GPATCH2: variants seen among roughly 807,000 people sequenced by gnomAD.
The protein encoded by GPATCH2 is G patch domain-containing protein 2.
Under a neutral mutation model 58.0 loss-of-function variants are expected in GPATCH2, and 51 were observed. That is an observed-to-expected ratio of 0.88 (90% CI 0.70 to 1.11). The LOEUF (loss-of-function observed/expected upper bound fraction) is 1.11. Ranked by LOEUF, GPATCH2 falls within the 50% of genes most tolerant of loss-of-function variation. The probability of loss-of-function intolerance (pLI) is 0.00; values close to 1 mark genes in which losing one functional copy is unlikely to be tolerated. For missense variants in GPATCH2, 625 were observed against 652.2 expected (o/e 0.96, Z 0.45); for synonymous variants, 222 against 218.5 (o/e 1.02, Z -0.14).
chr1:217,498,353 T>C lies in GPATCH2; in HGVS notation c.1206+3A>G. ...CTTCCTTTTGGATTACAATGGTCCT[T>C]ACCTGGTCATGCTCTGTCCTAGCCC... On this transcript the variant is annotated splice_donor_region_variant and intron_variant, in intron 7 of 9. Transcript: ENST00000366935. The C allele has an allele frequency of 6.2e-7, 1 of 1,610,368 alleles. No individual in the cohort carries two copies. Among genetic ancestry groups the C allele is most frequent in the Non-Finnish European group, 8.5e-7 (1 of 1,176,530 alleles).
intron 8 of GPATCH2, among the ~76,000 whole-genome samples, chr1:217,484,799 A>G (rs1214235651): frequency 6.6e-6 from 1 of 150,862 alleles, no homozygotes; most frequent in Non-Finnish European, 1.5e-5. Flanking sequence ...TCCCATATAG[A>G]TATATATGTA....
Position 217,511,817 on chromosome 1 carries a change from CTGTG to C in GPATCH2, c.1166+3001_1166+3004del, listed in dbSNP as rs35836441. Among the ~76,000 whole-genome samples the C allele has an allele frequency of 3.2e-4, 48 of 149,036 alleles. 1 individual carries two copies. Among genetic ancestry groups the C allele is most frequent in the Middle Eastern group, 3.5e-3 (1 of 288 alleles). On this transcript the variant is annotated intron_variant, in intron 6 of 9. Transcript: ENST00000366935. ...CAACCTATGTAACTTAACTGGAAGT[CTGTG>C]TGTGTGTGTGTGTGTGTGTTTGTGT...
intron 8 of GPATCH2, among the ~76,000 whole-genome samples, chr1:217,452,760 A>G (rs1207714274): frequency 6.6e-6 from 1 of 151,796 alleles, no homozygotes; most frequent in African/African-American, 2.4e-5. Context: ...CCCTTCCCCG[A>G]CCCCCAACAT....
chr1:217,439,391 A>G (rs927404107), intron 9 of GPATCH2, among the ~76,000 whole-genome samples: 1 of 152,242 alleles, frequency 6.6e-6, no homozygotes, highest in African/African-American at 2.4e-5. Context: ...AATTGATAGC[A>G]CTAAATGCCC....
intron 5 of GPATCH2, among the ~76,000 whole-genome samples, chr1:217,557,358 G>A (rs1166658537): frequency 7.5e-6 from 1 of 133,772 alleles, no homozygotes; most frequent in Non-Finnish European, 1.5e-5. Flanking sequence ...AGTAAGGTGA[G>A]ATCACACACC....
intron 5 of GPATCH2, among the ~76,000 whole-genome samples, chr1:217,582,205 G>A (rs1425369765): frequency 1.3e-5 from 2 of 151,898 alleles, no homozygotes; most frequent in African/African-American, 4.8e-5. Flanking sequence ...GCCATTCCCC[G>A]CTGCATCTCT....
intron 5 of GPATCH2, among the ~76,000 whole-genome samples, chr1:217,561,428 C>T (rs539740229): frequency 5.3e-5 from 8 of 152,286 alleles, no homozygotes; most frequent in Non-Finnish European, 1.2e-4. Flanking sequence ...ATAGGTGACA[C>T]TTCAAGCAGC....
chr1:217,591,592 G>T (rs1667594681), intron 5 of GPATCH2, among the ~76,000 whole-genome samples: 1 of 151,950 alleles, frequency 6.6e-6, no homozygotes, highest in Non-Finnish European at 1.5e-5. Flanking sequence ...TGATAAAACT[G>T]TTGTCCTTCA....
chr1:217,459,985 A>G (rs1182063123), intron 8 of GPATCH2, among the ~76,000 whole-genome samples: 1 of 152,174 alleles, frequency 6.6e-6, no homozygotes, highest in Non-Finnish European at 1.5e-5. Flanking sequence ...TAGAATTTAA[A>G]GAGCAAAGTA....
chr1:217,538,788 G>C (rs1474526728), intron 5 of GPATCH2, among the ~76,000 whole-genome samples: 1 of 152,044 alleles, frequency 6.6e-6, no homozygotes, highest in Non-Finnish European at 1.5e-5. Context: ...GGTTACTATG[G>C]GCCAAGTTAT....
At chr1:217,603,833 G>A (rs1355134020) in intron 5 of GPATCH2, among the ~76,000 whole-genome samples, 2 of 151,910 alleles carry the variant, frequency 1.3e-5, no homozygotes, top group Non-Finnish European at 2.9e-5. Context: ...ATGTTGGCCA[G>A]GCTGGTCTTG....
intron 5 of GPATCH2, among the ~76,000 whole-genome samples, chr1:217,593,891 T>C (rs577387354): frequency 5.9e-4 from 89 of 152,054 alleles, no homozygotes; most frequent in Non-Finnish European, 9.9e-4. Flanking sequence ...GAATCCTTAT[T>C]GCAAAACAAA....
intron 5 of GPATCH2, among the ~76,000 whole-genome samples, chr1:217,579,681 A>G (rs1402085482): frequency 1.3e-5 from 2 of 152,176 alleles, no homozygotes; most frequent in African/African-American, 4.8e-5. Context: ...ATATAAGGCA[A>G]TCTTTACAAT....
chr1:217,547,883 G>C (rs904439611), intron 5 of GPATCH2, among the ~76,000 whole-genome samples: 2 of 152,158 alleles, frequency 1.3e-5, no homozygotes, highest in African/African-American at 4.8e-5. Context: ...TGCTGTTGGG[G>C]AAGTGATAGT....
intron 6 of GPATCH2, among the ~76,000 whole-genome samples, chr1:217,509,614 T>G (rs1342378034): frequency 6.6e-6 from 1 of 152,178 alleles, no homozygotes; most frequent in Admixed American, 6.5e-5. Context: ...GCTCTAGTAC[T>G]TGCTTCTTCT....
At chr1:217,627,556 G>A (rs1022241289) in intron 1 of GPATCH2, among the ~76,000 whole-genome samples, 3 of 151,848 alleles carry the variant, frequency 2.0e-5, no homozygotes, top group African/African-American at 7.3e-5. Context: ...ATCCTTCCCC[G>A]TTAAAACTGG....
rs139310565 is a variant in GPATCH2 at position 217,444,849 on chromosome 1, C to T, written c.1366+4400G>A. On this transcript the variant is annotated intron_variant, in intron 9 of 9. Coordinates refer to ENST00000366935, the MANE Select transcript of GPATCH2 (RefSeq NM_018040.5). ...TAATTATTGATAAGATAAATTTGGACAAATAAAATCTAGTACCTTGAAAAG... is the reference window on the plus strand; with the variant it reads ...TAATTATTGATAAGATAAATTTGGATAAATAAAATCTAGTACCTTGAAAAG... Among the ~76,000 whole-genome samples, 429 of 152,224 alleles carry T rather than the reference C, an allele frequency of 2.8e-3. 1 individual carries two copies. Among genetic ancestry groups the T allele is most frequent in the African/African-American group, 9.8e-3 (408 of 41,528 alleles).
intron 5 of GPATCH2, among the ~76,000 whole-genome samples, chr1:217,583,570 CAAAA>C (rs60392448): frequency 3.1e-5 from 2 of 65,228 alleles, no homozygotes; most frequent in Non-Finnish European, 2.9e-5. Flanking sequence ...GACTCTGTCT[CAAAA>C]AAAAAAAAAA....
intron 6 of GPATCH2, among the ~76,000 whole-genome samples, chr1:217,499,091 A>C (rs781465157): frequency 2.0e-5 from 3 of 152,128 alleles, no homozygotes; most frequent in Non-Finnish European, 4.4e-5. Flanking sequence ...AGCATTAGCT[A>C]TGCGCCCAGT....
Sources: gnomAD v4.1 joint callset for allele counts (sites outside exome capture counted in the v4.1 genomes callset) on GRCh38, gnomAD v4.1.1 for gene constraint, MANE v1.5 for transcripts, NCBI Gene and HGNC (gene_info 2026-07-23, HGNC 2026-07-21) for gene names.